Variants in NAV3 observed in about 807,000 individuals in gnomAD.
NAV3 encodes pore membrane and/or filament interacting like protein 1.
NAV3 carries 87 observed loss-of-function variants against 244.7 expected under a neutral mutation model. The observed-to-expected ratio is 0.36, with a 90% CI of 0.30 to 0.42. The LOEUF is 0.42. Ranked by LOEUF, NAV3 falls within the 20% of genes least tolerant of loss-of-function variation. The pLI is 1.00. For missense variants in NAV3, 2,663 were observed against 2,893.3 expected (o/e 0.92, Z 1.83); for synonymous variants, 1,126 against 1,042.2 (o/e 1.08, Z -1.55).
chr12:78,164,983 C>T (rs1037018616), intron 23 of NAV3, among the ~76,000 whole-genome samples: 2 of 151,890 alleles, frequency 1.3e-5, no homozygotes, highest in South Asian at 2.1e-4. Context: ...CCAGGAAAGG[C>T]GAATATTCTG....
intron 2 of NAV3, among the ~76,000 whole-genome samples, chr12:77,758,830 A>C (rs1869321940): frequency 6.6e-6 from 1 of 152,250 alleles, no homozygotes; most frequent in Non-Finnish European, 1.5e-5. Context: ...TCAATAGTAA[A>C]GAAGTGAAAT....
intron 20 of NAV3, among the ~76,000 whole-genome samples, chr12:78,142,727 G>GTATATATATACATATATA (rs1565714119): frequency 2.9e-5 from 2 of 69,774 alleles, no homozygotes; most frequent in Non-Finnish European, 6.0e-5. Context: ...ATATATATGT[G>GTATATATATACATATATA]TGTGTGTGTG....
intron 30 of NAV3, among the ~76,000 whole-genome samples, chr12:78,182,446 T>TGGTA (rs1331719503): frequency 6.6e-6 from 1 of 151,988 alleles, no homozygotes; most frequent in Non-Finnish European, 1.5e-5. Context: ...GTCAGACTAA[T>TGGTA]GGTAGGGTTT....
chr12:77,719,330 T>G (rs1876506574), intron 2 of NAV3, among the ~76,000 whole-genome samples: 2 of 152,248 alleles, frequency 1.3e-5, no homozygotes, highest in Middle Eastern at 3.4e-3. Context: ...TTATGAAAAC[T>G]TCCTGTACTA....
chr12:77,998,578 A>T (rs1278487774), intron 7 of NAV3, 102 bp downstream of exon 7: 2 of 1,264,658 alleles, frequency 1.6e-6, no homozygotes, highest in Non-Finnish European at 2.1e-6. Flanking sequence ...GGGCCTAGAG[A>T]TGTTATCAGT....
intron 2 of NAV3, among the ~76,000 whole-genome samples, chr12:77,736,591 A>C (rs1000798072): frequency 6.6e-6 from 1 of 152,136 alleles, no homozygotes; most frequent in South Asian, 2.1e-4. Flanking sequence ...TATTTCTTAC[A>C]TGGTAATTTA....
chr12:77,603,280 A>T (rs117620256), intron 2 of NAV3, among the ~76,000 whole-genome samples: 1 of 152,060 alleles, frequency 6.6e-6, no homozygotes. Context: ...CAAATAAGGT[A>T]ATAACTAAGA....
upstream of NAV3, among the ~76,000 whole-genome samples, chr12:77,827,094 G>T (rs370682301): frequency 2.0e-5 from 3 of 151,924 alleles, no homozygotes; most frequent in Non-Finnish European, 4.4e-5. Flanking sequence ...TTAGCCAGGC[G>T]TAGTGGCAGG....
At chr12:78,158,227 A>G (rs1957387597) in intron 22 of NAV3, among the ~76,000 whole-genome samples, 2 of 152,126 alleles carry the variant, frequency 1.3e-5, no homozygotes, top group Admixed American at 6.6e-5. Flanking sequence ...ATATATAGGT[A>G]TAGTTTATTA....
intron 2 of NAV3, among the ~76,000 whole-genome samples, chr12:77,757,412 G>A (rs543716717): frequency 2.0e-5 from 3 of 152,284 alleles, no homozygotes; most frequent in Non-Finnish European, 2.9e-5. Context: ...GTCTTTGCAC[G>A]TTGAAATGTG....
chr12:77,961,079 A>T, intron 3 of NAV3, among the ~76,000 whole-genome samples: 1 of 145,618 alleles, frequency 6.9e-6, no homozygotes, highest in African/African-American at 2.5e-5. Context: ...ATATATGTAT[A>T]TATGTATATG....
intron 2 of NAV3, among the ~76,000 whole-genome samples, chr12:77,770,409 G>A (rs1870017816): frequency 6.6e-6 from 1 of 152,102 alleles, no homozygotes. Flanking sequence ...ATTGAGTTTG[G>A]GCATGTCATG....
intron 1 of NAV3, among the ~76,000 whole-genome samples, chr12:77,847,824 T>C (rs34959875): frequency 0.028 from 4,245 of 152,286 alleles, 89 homozygotes; most frequent in South Asian, 0.048. Flanking sequence ...AAAGTTCCCA[T>C]ATATAGCACT....
chr12:77,932,074 A>G (rs1343721408), intron 1 of NAV3, among the ~76,000 whole-genome samples: 1 of 152,004 alleles, frequency 6.6e-6, no homozygotes, highest in African/African-American at 2.4e-5. Context: ...CAGATTTTTT[A>G]AATCTGACTG....
chr12:78,159,367 A>G, intron 23 of NAV3, 81 bp downstream of exon 23: 1 of 1,267,306 alleles, frequency 7.9e-7, no homozygotes, highest in South Asian at 1.2e-5. Context: ...GAAGCTCCTT[A>G]AAAATAATAT....
intron 9 of NAV3, among the ~76,000 whole-genome samples, chr12:78,038,275 A>C (rs11107957): frequency 0.2 from 30,360 of 152,164 alleles, 3,564 homozygotes; most frequent in Non-Finnish European, 0.27. Context: ...ATAAGTATTA[A>C]ATTCCTGGCC....
chr12:77,988,857 A>T (rs1381059197), intron 5 of NAV3, among the ~76,000 whole-genome samples: 1 of 152,134 alleles, frequency 6.6e-6, no homozygotes, highest in Non-Finnish European at 1.5e-5. Flanking sequence ...TGTTACTAAT[A>T]TGTTATAAAC....
chr12:77,986,816 A>G (rs1033356456), intron 5 of NAV3, among the ~76,000 whole-genome samples: 4 of 152,180 alleles, frequency 2.6e-5, no homozygotes, highest in South Asian at 2.1e-4. Context: ...CTGTTGAACA[A>G]TAAGGGCTGT....
chr12:77,660,056 A>G (rs1282210334), intron 2 of NAV3, among the ~76,000 whole-genome samples: 1 of 152,070 alleles, frequency 6.6e-6, no homozygotes. Context: ...ACATGTATAC[A>G]TATGTAACTA....
Sources: gnomAD v4.1 joint callset for allele counts (sites outside exome capture counted in the v4.1 genomes callset) on GRCh38, gnomAD v4.1.1 for gene constraint, MANE v1.5 for transcripts, NCBI Gene and HGNC (gene_info 2026-07-23, HGNC 2026-07-21) for gene names.